The following DNAH8 variants were observed in gnomAD, a reference collection of about 807,000 sequenced individuals.
DNAH8 encodes axonemal beta dynein heavy chain 8.
Under a neutral mutation model 562.1 loss-of-function variants are expected in DNAH8, and 382 were observed. The ratio of observed to expected loss-of-function variants is 0.68; its 90% CI spans 0.63 to 0.74. The LOEUF (loss-of-function observed/expected upper bound fraction) is 0.74. DNAH8 is among the 30% of genes least tolerant of loss of function. The pLI, the probability that DNAH8 is intolerant of heterozygous loss-of-function variation, is 0.00. For synonymous variants in DNAH8, 1,881 were observed against 1,919.4 expected (o/e 0.98, Z 0.52); for missense variants, 5,203 against 5,620.4 (o/e 0.93, Z 2.37).
chr6:38,975,201 C>T (rs1318473512), intron 85 of DNAH8, among the ~76,000 whole-genome samples: 2 of 152,188 alleles, frequency 1.3e-5, no homozygotes, highest in Non-Finnish European at 2.9e-5. Flanking sequence ...TACCAAGCAA[C>T]TTGTCTGTTA....
chr6:38,826,424 T>C (rs775243881), intron 29 of DNAH8, 33 bp downstream of exon 29: 1 of 1,426,150 alleles, frequency 7.0e-7, no homozygotes, highest in Admixed American at 2.0e-5. Context: ...TTTCTTGGAA[T>C]GCTTTTTTGT....
At chr6:38,737,756 T>G in intron 6 of DNAH8, 53 bp from the exon 7 acceptor site, 1 of 762,596 alleles carries the variant, frequency 1.3e-6, no homozygotes, top group Middle Eastern at 5.2e-4. Context: ...ATTAATATAT[T>G]TAAAATATTT....
chr6:38,780,802 T>TAACA (rs368370882), intron 15 of DNAH8, among the ~76,000 whole-genome samples: 11 of 152,104 alleles, frequency 7.2e-5, no homozygotes, highest in South Asian at 2.1e-4. Flanking sequence ...TTTACCTATA[T>TAACA]AACAAACAAA....
Position 39,015,626 on chromosome 6 carries a change from C to A in DNAH8, c.13714+2989C>A, listed in dbSNP as rs117936428. 2.8e-4 allele frequency among the ~76,000 whole-genome samples: 42 copies of A among 152,334 alleles called. No homozygotes were observed. The East Asian group carries it at 7.1e-3, about 26-fold the overall frequency. On this transcript the variant is annotated intron_variant, in intron 91 of 92. Transcript: ENST00000327475. ...TGTAAGTTTCTTGAGGCATCCCCAG[C>A]CATGCAGAACTGAGTCCATTTAAAC...
chr6:38,749,121 C>T (rs944380848), intron 8 of DNAH8, among the ~76,000 whole-genome samples: 33 of 151,940 alleles, frequency 2.2e-4, no homozygotes, highest in Admixed American at 2.1e-3. Flanking sequence ...TGGAACCAAC[C>T]CAAAAGCTCA....
intron 16 of DNAH8, 141 bp from the exon 17 acceptor site, chr6:38,782,863 C>T (rs1768775083): frequency 1.4e-6 from 1 of 701,186 alleles, no homozygotes; most frequent in South Asian, 1.9e-5. Context: ...ATGGCCTTCC[C>T]CATCTCTGTT....
intron 56 of DNAH8, among the ~76,000 whole-genome samples, chr6:38,885,733 T>G (rs1050949407): frequency 6.6e-6 from 1 of 152,208 alleles, no homozygotes; most frequent in Non-Finnish European, 1.5e-5. Context: ...TCGAACTGGC[T>G]TACTTTCTCA....
rs1283340628 is a variant in DNAH8 at position 38,722,843 on chromosome 6, G to A, written c.34G>A (p.Glu12Lys). 1.9e-6 allele frequency: 3 copies of A among 1,605,332 alleles called. No homozygotes were observed. The highest frequency in any genetic ancestry group is 1.7e-5 in the Admixed American group (1 of 58,658). The change falls in exon 2 of 93, where the codon GAG becomes AAG. Residue 12 changes from glutamate (E) to lysine (K), a missense_variant. Physicochemically the swap from Glu to Lys is moderately conservative, Grantham distance 56. Coordinates refer to ENST00000327475, the MANE Select transcript of DNAH8 (RefSeq NM_001206927.2). ...GGATGCTGAAGATGGCGCCCCTTCT[G>A]AGGGAGCAGAGGCTCCTCCCTCTAC... ...EKDAEDGAPS[E>K]GAEAPPSTEE...
At chr6:38,755,945 A>G in intron 9 of DNAH8, 27 bp from the exon 10 acceptor site, 1 of 1,230,512 alleles carries the variant, frequency 8.1e-7, no homozygotes, top group Non-Finnish European at 1.2e-6. Context: ...CATATGATGG[A>G]ATTCACTTAA....
intron 53 of DNAH8, 77 bp from the exon 54 acceptor site, chr6:38,882,833 C>T (rs377322843): frequency 1.1e-5 from 11 of 965,554 alleles, no homozygotes; most frequent in East Asian, 8.4e-5. Context: ...TTGTTTATTG[C>T]ACTTAACATT....
At chr6:38,881,895 G>A (rs2150463331) in intron 53 of DNAH8, among the ~76,000 whole-genome samples, 1 of 152,178 alleles carries the variant, frequency 6.6e-6, no homozygotes, top group Non-Finnish European at 1.5e-5. Flanking sequence ...CTAGTAAACG[G>A]TTGACTCTTT....
intron 30 of DNAH8, among the ~76,000 whole-genome samples, chr6:38,830,317 T>C (rs562855141): frequency 7.2e-5 from 11 of 152,110 alleles, no homozygotes; most frequent in Non-Finnish European, 1.3e-4. Context: ...TAAACATTTA[T>C]ACACCAAAAT....
At chr6:38,941,493 G>A (rs774576644) in intron 79 of DNAH8, among the ~76,000 whole-genome samples, 2 of 152,176 alleles carry the variant, frequency 1.3e-5, no homozygotes, top group Non-Finnish European at 2.9e-5. Context: ...AATGTATCAT[G>A]TGGTTCATAT....
At chr6:38,920,626 A>C (rs1344418301) in intron 70 of DNAH8, among the ~76,000 whole-genome samples, 4 of 152,204 alleles carry the variant, frequency 2.6e-5, no homozygotes, top group Non-Finnish European at 5.9e-5. Flanking sequence ...ATAACTAAAA[A>C]TGGGTGGGTG....
At chr6:38,829,206 G>A (rs1000392839) in intron 30 of DNAH8, among the ~76,000 whole-genome samples, 1 of 152,036 alleles carries the variant, frequency 6.6e-6, no homozygotes, top group Admixed American at 6.5e-5. Context: ...CTTTTGAGTT[G>A]TAAGAATTCT....
intron 80 of DNAH8, among the ~76,000 whole-genome samples, chr6:38,946,841 G>A (rs1041119900): frequency 5.3e-5 from 8 of 151,918 alleles, no homozygotes; most frequent in Non-Finnish European, 1.2e-4. Context: ...AAGTGATCTC[G>A]GTCTGATCAG....
intron 24 of DNAH8, among the ~76,000 whole-genome samples, chr6:38,809,881 T>C (rs1771639229): frequency 6.6e-6 from 1 of 152,208 alleles, no homozygotes; most frequent in African/African-American, 2.4e-5. Context: ...CTTTTCCTTT[T>C]ATTTTTATTT....
chr6:38,991,295 G>A (rs980436235), intron 88 of DNAH8, among the ~76,000 whole-genome samples: 4 of 152,110 alleles, frequency 2.6e-5, no homozygotes, highest in Admixed American at 2.0e-4. Flanking sequence ...ACCTACAAAT[G>A]CCAATGCTTC....
chr6:38,778,155 A>G lies in DNAH8; in HGVS notation c.1963-233A>G, dbSNP rs145840930. 2.0e-3 allele frequency among the ~76,000 whole-genome samples: 300 copies of G among 152,324 alleles called. 1 individual carries two copies. The highest frequency in any genetic ancestry group is 6.4e-3 in the African/African-American group (268 of 41,578). On this transcript the variant is annotated intron_variant, in intron 13 of 92. Transcript: ENST00000327475. ...TTGTACTAAGTCTTTGAAATCTGGC[A>G]TGTATTTTACATTTATAGACATCTT...
Sources: allele counts gnomAD v4.1 joint callset (sites outside exome capture counted in the v4.1 genomes callset), GRCh38; gene constraint gnomAD v4.1.1; transcripts MANE v1.5; gene names NCBI Gene and HGNC (gene_info 2026-07-23, HGNC 2026-07-21).